The following LINGO2 variants were observed in gnomAD, a reference collection of about 807,000 sequenced individuals.
The protein encoded by LINGO2 is leucine rich repeat and Ig domain containing 2, also known as leucine-rich repeat and immunoglobulin-like domain-containing nogo receptor-interacting protein 2.
LINGO2 carries 14 observed loss-of-function variants against 30.6 expected under a neutral mutation model. The ratio of observed to expected loss-of-function variants is 0.46; its 90% confidence interval spans 0.30 to 0.72. The LOEUF is 0.72. Ranked by LOEUF, LINGO2 falls within the 30% of genes least tolerant of loss-of-function variation. The pLI is 0.07. For synonymous variants in LINGO2, 317 were observed against 288.5 expected, an observed-to-expected ratio of 1.10 and a Z score of -1.00; for missense variants, 729 against 751.7, an observed-to-expected ratio of 0.97 and a Z score of 0.35.
intron 1 of LINGO2, among the ~76,000 whole-genome samples, chr9:28,561,747 G>GTGTGTGTGTA (rs1554637711): frequency 2.8e-5 from 1 of 35,850 alleles, no homozygotes; most frequent in Non-Finnish European, 4.8e-5. Flanking sequence ...GTGTGTGTGT[G>GTGTGTGTGTA]TGTATATATA....
chr9:29,073,664 T>C, the LINGO2 span, among the ~76,000 whole-genome samples: 2 of 152,184 alleles, frequency 1.3e-5, no homozygotes, highest in African/African-American at 4.8e-5. Context: ...AGAAACTATA[T>C]GCCCCACATA....
At chr9:28,021,272 G>A (rs1823107576) in intron 4 of LINGO2, among the ~76,000 whole-genome samples, 1 of 152,024 alleles carries the variant, frequency 6.6e-6, no homozygotes, top group Non-Finnish European at 1.5e-5. Context: ...CATGTGTTAT[G>A]TACAAGTGTC....
At chr9:28,339,898 C>T (rs2134384245) in intron 3 of LINGO2, among the ~76,000 whole-genome samples, 1 of 152,256 alleles carries the variant, frequency 6.6e-6, no homozygotes, top group East Asian at 1.9e-4. Context: ...GTTCTCTCCT[C>T]TGAGCCTGTA....
the LINGO2 span, among the ~76,000 whole-genome samples, chr9:28,697,899 A>T: frequency 6.6e-6 from 1 of 152,084 alleles, no homozygotes; most frequent in East Asian, 1.9e-4. Context: ...GTCTAGATGA[A>T]TTTTATAACT....
chr9:28,384,958 A>G (rs899961907), intron 2 of LINGO2, among the ~76,000 whole-genome samples: 3 of 152,100 alleles, frequency 2.0e-5, no homozygotes, highest in Non-Finnish European at 4.4e-5. Context: ...CAAAAAATCT[A>G]AGGTTAATTT....
chr9:29,173,718 C>G, the LINGO2 span, among the ~76,000 whole-genome samples: 1 of 152,022 alleles, frequency 6.6e-6, no homozygotes, highest in Non-Finnish European at 1.5e-5. Flanking sequence ...AGAATGAGGT[C>G]TAGTTTAAAA....
chr9:28,693,778 T>G, the LINGO2 span, among the ~76,000 whole-genome samples: 1 of 152,104 alleles, frequency 6.6e-6, no homozygotes, highest in East Asian at 1.9e-4. Flanking sequence ...TAGGTAGGAT[T>G]TGTGTCTTCT....
the LINGO2 span, among the ~76,000 whole-genome samples, chr9:28,851,981 T>A: frequency 6.6e-6 from 1 of 151,726 alleles, no homozygotes. Context: ...GCAGAAAGTA[T>A]CAGTATTTTT....
the LINGO2 span, among the ~76,000 whole-genome samples, chr9:28,767,074 G>C: frequency 2.0e-5 from 3 of 151,218 alleles, no homozygotes; most frequent in East Asian, 5.8e-4. Context: ...GTGGTTACCA[G>C]GTGTGGGGGA....
intron 1 of LINGO2, among the ~76,000 whole-genome samples, chr9:28,604,768 A>C (rs1010918340): frequency 3.9e-5 from 6 of 151,998 alleles, no homozygotes; most frequent in African/African-American, 1.4e-4. Context: ...TATAACACAC[A>C]TGTCATATTT....
chr9:28,216,455 T>G (rs1242034415), intron 4 of LINGO2, among the ~76,000 whole-genome samples: 1 of 151,908 alleles, frequency 6.6e-6, no homozygotes, highest in Non-Finnish European at 1.5e-5. Flanking sequence ...GTAGCATAAC[T>G]CACTTATATA....
chr9:28,513,721 T>C (rs1820507794), intron 1 of LINGO2, among the ~76,000 whole-genome samples: 1 of 152,232 alleles, frequency 6.6e-6, no homozygotes, highest in Admixed American at 6.5e-5. Flanking sequence ...CTTCTTTGTG[T>C]GTATGTTCTT....
chr9:29,046,472 A>G, the LINGO2 span, among the ~76,000 whole-genome samples: 1 of 152,240 alleles, frequency 6.6e-6, no homozygotes, highest in South Asian at 2.1e-4. Context: ...TGATCTTTGA[A>G]AAAGCCAACA....
chr9:28,548,732 A>T (rs57864092), intron 1 of LINGO2, among the ~76,000 whole-genome samples: 2 of 129,118 alleles, frequency 1.5e-5, no homozygotes, highest in Admixed American at 7.7e-5. Flanking sequence ...AAAAAAAAAT[A>T]TTTGATTCTA....
chr9:28,187,491 GAAAAA>G (rs34656512), intron 4 of LINGO2, among the ~76,000 whole-genome samples: 1 of 133,018 alleles, frequency 7.5e-6, no homozygotes, highest in Non-Finnish European at 1.6e-5. Flanking sequence ...CTCTGTCTCA[GAAAAA>G]AAAAAAAAAA....
intron 1 of LINGO2, among the ~76,000 whole-genome samples, chr9:28,558,960 A>C (rs1474248786): frequency 1.3e-5 from 2 of 152,086 alleles, no homozygotes; most frequent in Non-Finnish European, 2.9e-5. Flanking sequence ...GATTTAGAGA[A>C]AAAAGTAGTA....
chr9:28,144,303 A>G (rs1411975326), intron 4 of LINGO2, among the ~76,000 whole-genome samples: 1 of 152,180 alleles, frequency 6.6e-6, no homozygotes, highest in Non-Finnish European at 1.5e-5. Context: ...CAGGCCTATT[A>G]CAGTATTTCT....
the LINGO2 span, among the ~76,000 whole-genome samples, chr9:29,043,860 A>G: frequency 2.0e-5 from 3 of 152,050 alleles, no homozygotes; most frequent in East Asian, 1.9e-4. Context: ...ATTCATCGCA[A>G]TTTTGCACAA....
intron 1 of LINGO2, among the ~76,000 whole-genome samples, chr9:28,486,633 G>T (rs1331899): frequency 0.88 from 134,416 of 151,990 alleles, 59,889 homozygotes; most frequent in East Asian, 1. Context: ...GTATTCCTCA[G>T]GTACAGGAGA....
Sources: gnomAD v4.1 joint callset for allele counts (sites outside exome capture counted in the v4.1 genomes callset) on GRCh38, gnomAD v4.1.1 for gene constraint, MANE v1.5 for transcripts, NCBI Gene and HGNC (gene_info 2026-07-23, HGNC 2026-07-21) for gene names.